GRB2: variants seen among roughly 807,000 people sequenced by gnomAD.
The protein encoded by GRB2 is growth factor receptor bound protein 2.
In GRB2, 2 loss-of-function variants were observed where a neutral mutation model predicts 27.4. The ratio of observed to expected loss-of-function variants is 0.07; its 90% CI spans 0.03 to 0.23. The LOEUF is 0.23. Ranked by LOEUF, GRB2 falls within the 10% of genes least tolerant of loss-of-function variation. The probability of loss-of-function intolerance (pLI) is 1.00; values close to 1 mark genes in which losing one functional copy is unlikely to be tolerated. For synonymous variants in GRB2, 94 were observed against 99.6 expected (o/e 0.94, Z 0.33); for missense variants, 102 against 282.4 (o/e 0.36, Z 4.58).
At chr17:75,360,872 G>A (rs2078776257) in intron 2 of GRB2, among the ~76,000 whole-genome samples, 1 of 152,116 alleles carries the variant, frequency 6.6e-6, no homozygotes, top group African/African-American at 2.4e-5. Flanking sequence ...CTACAGCCTT[G>A]AACTCCCACC....
rs866455401 is a variant in GRB2, at chr17:75,359,977, T to C, written c.79-27180A>G. Among the ~76,000 whole-genome samples, 64 of 139,644 alleles carry C rather than the reference T, an allele frequency of 4.6e-4. No homozygotes were observed. In the Middle Eastern group the frequency reaches 0.014, roughly 31 times the overall value. The allele number at this position is 139,644 out of a possible 152,430, so 91.6% of individuals were successfully genotyped here. On this transcript the variant is annotated intron_variant, in intron 2 of 5. Coordinates refer to ENST00000316804, the MANE Select transcript of GRB2 (RefSeq NM_002086.5). ...GGTGTGTTACAAAGTTCTTTCTGTC[T>C]TAAAAAAAAAAAAAAAAAGACAGAC...
intron 1 of GRB2, among the ~76,000 whole-genome samples, chr17:75,404,266 G>T (rs2145880612): frequency 6.6e-6 from 1 of 152,258 alleles, no homozygotes; most frequent in South Asian, 2.1e-4. Flanking sequence ...TGGCAGGACT[G>T]ATTTCTTAGG....
chr17:75,335,669 T>C (rs2145828622), intron 2 of GRB2, among the ~76,000 whole-genome samples: 1 of 152,294 alleles, frequency 6.6e-6, no homozygotes, highest in South Asian at 2.1e-4. Context: ...GATAAGGTGA[T>C]AAATCCTGAA....
At chr17:75,394,688 TTTGGGAAA>T (rs2079019341) in intron 1 of GRB2, 2 of 152,208 alleles carry the variant, frequency 1.3e-5, no homozygotes, top group South Asian at 4.1e-4. Flanking sequence ...AAGTATCTTG[TTTGGGAAA>T]GAAAGTGCAG....
intron 2 of GRB2, among the ~76,000 whole-genome samples, chr17:75,337,895 C>T (rs1431045217): frequency 0.014 from 1,791 of 124,030 alleles, 41 homozygotes; most frequent in African/African-American, 0.056. Flanking sequence ...ACTACTACTA[C>T]TACTACTATT....
In GRB2 at chr17:75,320,734, G is replaced by A. The variant is rs987337334; in HGVS notation, c.469-181C>T. On this transcript the variant is annotated intron_variant, in intron 5 of 5. Coordinates refer to ENST00000316804, the MANE Select transcript of GRB2 (RefSeq NM_002086.5). This position sits in a 1 kb window ranked among gnomAD's most constrained non-coding sequence, Gnocchi z 4.3. The stretch of plus-strand genomic sequence containing the variant: ...CCTATTCTAAGTTTACAGGCCAAGC[G>A]GGTTTAGTGTGATATTTCCCAGTGC... Among the ~76,000 whole-genome samples, 2 of 152,050 alleles carry A rather than the reference G, an allele frequency of 1.3e-5. No individual in the cohort carries two copies. The highest frequency in any genetic ancestry group is 2.1e-4 in the South Asian group (1 of 4,834).
chr17:75,359,523 A>AATAATAAAT (rs1478209311), intron 2 of GRB2, among the ~76,000 whole-genome samples: 4 of 83,274 alleles, frequency 4.8e-5, no homozygotes, highest in South Asian at 4.3e-4. Context: ...TAATAATAAT[A>AATAATAAAT]AATAATAATA....
At chr17:75,333,256 A>C (rs534105024) in intron 2 of GRB2, among the ~76,000 whole-genome samples, 1 of 152,158 alleles carries the variant, frequency 6.6e-6, no homozygotes, top group South Asian at 2.1e-4. Context: ...TTGTATTTTT[A>C]GTAGAGATGG....
intron 2 of GRB2, among the ~76,000 whole-genome samples, chr17:75,380,264 C>T (rs2078919649): frequency 6.6e-6 from 1 of 151,660 alleles, no homozygotes; most frequent in Non-Finnish European, 1.5e-5. Context: ...TATTTGTTGA[C>T]CTGCAAACTG....
chr17:75,397,644 C>T (rs1484051817), intron 1 of GRB2, among the ~76,000 whole-genome samples: 3 of 152,042 alleles, frequency 2.0e-5, no homozygotes, highest in African/African-American at 4.8e-5. Context: ...TAGAGGCAGG[C>T]CCCTCACACT....
At chr17:75,377,708 A>G (rs1055111401) in intron 2 of GRB2, among the ~76,000 whole-genome samples, 3 of 151,602 alleles carry the variant, frequency 2.0e-5, no homozygotes, top group African/African-American at 7.3e-5. Flanking sequence ...AGAGTTAGAG[A>G]CCAGCCTGGC....
At chr17:75,347,449 T>C (rs1036602143) in intron 2 of GRB2, among the ~76,000 whole-genome samples, 2 of 152,104 alleles carry the variant, frequency 1.3e-5, no homozygotes, top group Non-Finnish European at 2.9e-5. Flanking sequence ...TAGCCTTTCT[T>C]TGCATGCCCA....
chr17:75,336,145 C>T (rs1223645523), intron 2 of GRB2, among the ~76,000 whole-genome samples: 1 of 152,138 alleles, frequency 6.6e-6, no homozygotes, highest in Non-Finnish European at 1.5e-5. Flanking sequence ...AAAATGTGGT[C>T]TAATAATGAC....
chr17:75,393,552 T>C lies in GRB2; in HGVS notation c.77A>G (p.Lys26Arg). Residue 26 changes from lysine (K) to arginine (R), a missense_variant and splice_region_variant, in exon 2 of 6, where the codon AAG becomes AGG. Coordinates refer to ENST00000316804, the MANE Select transcript of GRB2 (RefSeq NM_002086.5). ...ELSFKRGDIL[K>R]VLNEECDQNW... The stretch of plus-strand genomic sequence containing the variant: ...ATTGTGCTCGGCATCAGCACTTACC[T>C]TGAGGATGTCCCCCCTTTTGAAGCT... 6.2e-7 allele frequency: 1 copy of C among 1,613,366 alleles called. No homozygotes were observed. Among genetic ancestry groups the C allele is most frequent in the Non-Finnish European group, 8.5e-7 (1 of 1,179,226 alleles).
intron 3 of GRB2, among the ~76,000 whole-genome samples, chr17:75,329,084 G>C (rs1057464066): frequency 1.3e-5 from 2 of 152,066 alleles, no homozygotes; most frequent in Admixed American, 1.3e-4. Context: ...TATGCAGCAT[G>C]CATCTGACTG....
intron 1 of GRB2, chr17:75,405,116 C>T (rs1336553043): frequency 6.6e-6 from 1 of 152,260 alleles, no homozygotes; most frequent in Non-Finnish European, 1.5e-5. Context: ...ATCACCACAG[C>T]TGCAGCCCAC....
chr17:75,348,118 G>T (rs1386201886), intron 2 of GRB2, among the ~76,000 whole-genome samples: 2 of 152,206 alleles, frequency 1.3e-5, no homozygotes, highest in African/African-American at 2.4e-5. Context: ...ACAGCTCAAT[G>T]CAGCCTCAGC....
chr17:75,393,988 G>A (rs552006583), intron 1 of GRB2: 9 of 358,788 alleles, frequency 2.5e-5, no homozygotes, highest in African/African-American at 1.7e-4. Flanking sequence ...AGCTGCCTGA[G>A]CTATTCCTGA....
chr17:75,319,380 AAAC>A lies in GRB2; in HGVS notation c.*985_*987del, dbSNP rs1185909091. 1.1e-4 allele frequency: 16 copies of A among 152,146 alleles called. No homozygotes were observed. Among genetic ancestry groups the A allele is most frequent in the East Asian group, 1.9e-4 (1 of 5,188 alleles). The allele number at this position is 152,146 out of a possible 1,614,324, so 9.4% of individuals were successfully genotyped here. Reference sequence around the variant, plus strand: ...AAATAAGGAAAAAGGCACTATGAAAAAACAACATGCTCGATAATCCCACTGGAA... The same window carrying A: ...AAATAAGGAAAAAGGCACTATGAAAAAACATGCTCGATAATCCCACTGGAA... On this transcript the variant is annotated 3_prime_UTR_variant, in exon 6 of 6. Coordinates refer to ENST00000316804, the MANE Select transcript of GRB2 (RefSeq NM_002086.5).
Sources: allele counts gnomAD v4.1 joint callset (sites outside exome capture counted in the v4.1 genomes callset), GRCh38; gene constraint gnomAD v4.1.1; non-coding constraint Gnocchi (gnomAD v3.1); transcripts MANE v1.5; gene names NCBI Gene and HGNC (gene_info 2026-07-23, HGNC 2026-07-21).